RBM47: variants seen among roughly 807,000 people sequenced by gnomAD.
RBM47 encodes RNA binding motif protein 47.
In RBM47, 21 loss-of-function variants were observed where a neutral mutation model predicts 47.1. That is an observed-to-expected ratio of 0.45 (90% confidence interval 0.32 to 0.64). The LOEUF is 0.64. Ranked by LOEUF, RBM47 falls within the 30% of genes least tolerant of loss-of-function variation. The pLI is 0.05. For missense variants in RBM47, 708 were observed against 870.9 expected, an observed-to-expected ratio of 0.81 and a Z score of 2.35; for synonymous variants, 375 against 361.7, an observed-to-expected ratio of 1.04 and a Z score of -0.42.
rs11934000 is a variant in RBM47, at chr4:40,555,565, A to G, written c.-239-11059T>C. Among the ~76,000 whole-genome samples, 1,230 of 152,346 alleles carry G rather than the reference A, an allele frequency of 8.1e-3. 17 individuals carry two copies. Among genetic ancestry groups the G allele is most frequent in the African/African-American group, 0.024 (997 of 41,570 alleles). On this transcript the variant is annotated intron_variant, in intron 1 of 6. Transcript: ENST00000295971. The stretch of plus-strand genomic sequence containing the variant: ...TGAAATGTTCTGGCTTCTAAAACAC[A>G]TCTGACCCAATGGGTTTCGACAAGG...
At chr4:40,610,610 C>CAAAAAAAAAAAAAAAAAA in intron 1 of RBM47, among the ~76,000 whole-genome samples, 1 of 52,808 alleles carries the variant, frequency 1.9e-5, no homozygotes, top group Non-Finnish European at 4.3e-5. Flanking sequence ...GACTCCATCT[C>CAAAAAAAAAAAAAAAAAA]AAAAAAAAAA....
chr4:40,547,744 C>A (rs1049814620), intron 1 of RBM47, among the ~76,000 whole-genome samples: 3 of 152,128 alleles, frequency 2.0e-5, no homozygotes, highest in African/African-American at 4.8e-5. Context: ...GTATCAAATT[C>A]AAAAAACTTA....
At chr4:40,557,025 T>C (rs893870517) in intron 1 of RBM47, among the ~76,000 whole-genome samples, 6 of 152,236 alleles carry the variant, frequency 3.9e-5, no homozygotes, top group Admixed American at 6.5e-5. Flanking sequence ...TCATTAAAAA[T>C]TGATATTTCC....
intron 2 of RBM47, among the ~76,000 whole-genome samples, chr4:40,516,716 C>G (rs1725622152): frequency 6.6e-6 from 1 of 152,194 alleles, no homozygotes; most frequent in Non-Finnish European, 1.5e-5. Flanking sequence ...AGGCCAGGGG[C>G]TGAGGTGGCC....
chr4:40,486,482 G>A (rs139269690), intron 2 of RBM47, among the ~76,000 whole-genome samples: 9 of 152,310 alleles, frequency 5.9e-5, no homozygotes, highest in Non-Finnish European at 1.3e-4. Context: ...TCGAAACAGT[G>A]AGTCCTACTA....
intron 2 of RBM47, among the ~76,000 whole-genome samples, chr4:40,509,297 T>C (rs1337257815): frequency 1.3e-5 from 2 of 152,172 alleles, no homozygotes; most frequent in Non-Finnish European, 2.9e-5. Context: ...TATAGGATAT[T>C]TTCCAAATAA....
chr4:40,569,379 G>C (rs375953576), intron 1 of RBM47, among the ~76,000 whole-genome samples: 1 of 151,632 alleles, frequency 6.6e-6, no homozygotes, highest in Non-Finnish European at 1.5e-5. Context: ...AGTGTGCCGG[G>C]AAACAAACCA....
intron 5 of RBM47, among the ~76,000 whole-genome samples, chr4:40,433,382 G>C (rs1305848345): frequency 1.3e-5 from 2 of 152,256 alleles, no homozygotes; most frequent in East Asian, 3.9e-4. Flanking sequence ...GTGGTGGCAG[G>C]TAACTCCCCC....
At chr4:40,497,054 A>AAGAAAG (rs1271446521) in intron 2 of RBM47, among the ~76,000 whole-genome samples, 8 of 150,014 alleles carry the variant, frequency 5.3e-5, no homozygotes, top group African/African-American at 2.0e-4. Context: ...AAAAAAAAAA[A>AAGAAAG]AAAGAAAGAA....
At chr4:40,589,495 G>A (rs1733924198) in intron 1 of RBM47, among the ~76,000 whole-genome samples, 1 of 151,880 alleles carries the variant, frequency 6.6e-6, no homozygotes, top group African/African-American at 2.4e-5. Context: ...GGAGTGCAGT[G>A]GCACAATCTC....
intron 1 of RBM47, among the ~76,000 whole-genome samples, chr4:40,587,171 G>A (rs1733674013): frequency 6.6e-6 from 1 of 152,132 alleles, no homozygotes; most frequent in Non-Finnish European, 1.5e-5. Context: ...AGGAGGAGGA[G>A]GAAGATTCAG....
intron 3 of RBM47, among the ~76,000 whole-genome samples, chr4:40,443,195 G>T (rs1713931837): frequency 6.6e-6 from 1 of 152,102 alleles, no homozygotes; most frequent in Non-Finnish European, 1.5e-5. Context: ...ATGGGTGTGG[G>T]TGTCTTAATT....
At chr4:40,434,757 C>T (rs1712058182) in intron 5 of RBM47, among the ~76,000 whole-genome samples, 1 of 145,202 alleles carries the variant, frequency 6.9e-6, no homozygotes, top group South Asian at 2.2e-4. Context: ...AAAGAAAGTT[C>T]AATTGGGGAA....
At chr4:40,459,491 A>C (rs527331619) in intron 3 of RBM47, among the ~76,000 whole-genome samples, 1 of 152,106 alleles carries the variant, frequency 6.6e-6, no homozygotes, top group Non-Finnish European at 1.5e-5. Context: ...GCTTGAGCCT[A>C]GGAGTTCAAG....
At chr4:40,556,975 G>A (rs1730160070) in intron 1 of RBM47, among the ~76,000 whole-genome samples, 1 of 144,150 alleles carries the variant, frequency 6.9e-6, no homozygotes, top group Non-Finnish European at 1.5e-5. Context: ...TGTGTTGGGG[G>A]GCACGTTGGG....
intron 1 of RBM47, among the ~76,000 whole-genome samples, chr4:40,619,138 TCAA>T (rs1325436981): frequency 1.3e-5 from 2 of 151,830 alleles, no homozygotes; most frequent in African/African-American, 2.4e-5. Context: ...CCCCCAAAAA[TCAA>T]CCCCTGGACA....
At chr4:40,450,759 G>C (rs527665847) in intron 3 of RBM47, among the ~76,000 whole-genome samples, 1 of 152,200 alleles carries the variant, frequency 6.6e-6, no homozygotes, top group African/African-American at 2.4e-5. Context: ...GGGCTGTCTT[G>C]TGTGTTTTCA....
At chr4:40,621,293 C>A (rs1212869235) in intron 1 of RBM47, among the ~76,000 whole-genome samples, 1 of 152,186 alleles carries the variant, frequency 6.6e-6, no homozygotes, top group Non-Finnish European at 1.5e-5. Flanking sequence ...GGAACTGTGC[C>A]TCCAAAGGCC....
chr4:40,530,832 G>T (rs1317246073), intron 2 of RBM47, among the ~76,000 whole-genome samples: 3 of 152,158 alleles, frequency 2.0e-5, no homozygotes, highest in Admixed American at 1.3e-4. Context: ...AGGCACGGTG[G>T]CTCACACCTG....
Sources: gnomAD v4.1 joint callset for allele counts (sites outside exome capture counted in the v4.1 genomes callset) on GRCh38, gnomAD v4.1.1 for gene constraint, MANE v1.5 for transcripts, NCBI Gene and HGNC (gene_info 2026-07-23, HGNC 2026-07-21) for gene names.